Variants in LOC128462377 observed in about 807,000 individuals in gnomAD.
the LOC128462377 span, among the ~76,000 whole-genome samples, chr16:89,318,324 G>C: frequency 6.6e-6 from 1 of 152,160 alleles, no homozygotes; most frequent in South Asian, 2.1e-4. Context: ...GAGAGGAATG[G>C]GGGACACACC....
At chr16:89,322,293 A>G in the LOC128462377 span, among the ~76,000 whole-genome samples, 1 of 152,254 alleles carries the variant, frequency 6.6e-6, no homozygotes, top group South Asian at 2.1e-4. Flanking sequence ...AGAGAAAGAG[A>G]ACACTTCAAA....
the LOC128462377 span, among the ~76,000 whole-genome samples, chr16:89,363,265 C>T: frequency 6.6e-6 from 1 of 152,072 alleles, no homozygotes; most frequent in Admixed American, 6.5e-5. Context: ...CCTTCTGAAG[C>T]AGTCTCTAAA....
chr16:89,401,836 A>G, the LOC128462377 span, among the ~76,000 whole-genome samples: 106 of 152,284 alleles, frequency 7.0e-4, 1 homozygote, highest in East Asian at 0.017. Context: ...TGATGCGTCT[A>G]CAAGCCCGGG....
the LOC128462377 span, among the ~76,000 whole-genome samples, chr16:89,348,563 G>A: frequency 1.3e-5 from 2 of 152,296 alleles, no homozygotes; most frequent in African/African-American, 4.8e-5. Flanking sequence ...GACCAAGTCA[G>A]TCATCCGGGA....
At chr16:89,398,184 T>A in the LOC128462377 span, among the ~76,000 whole-genome samples, 22 of 149,480 alleles carry the variant, frequency 1.5e-4, no homozygotes, top group East Asian at 2.0e-4. Flanking sequence ...GAGGCTGACA[T>A]GAGGGACACT....
the LOC128462377 span, among the ~76,000 whole-genome samples, chr16:89,346,197 A>T: frequency 6.6e-6 from 1 of 151,182 alleles, no homozygotes; most frequent in Non-Finnish European, 1.5e-5. Flanking sequence ...GTAATGAGCC[A>T]AGATCACGCC....
At chr16:89,334,524 G>A in the LOC128462377 span, among the ~76,000 whole-genome samples, 4 of 152,132 alleles carry the variant, frequency 2.6e-5, no homozygotes, top group East Asian at 7.7e-4. Context: ...AAAGTGACGA[G>A]AAAACACCCC....
chr16:89,405,475 C>G, the LOC128462377 span, among the ~76,000 whole-genome samples: 1 of 151,514 alleles, frequency 6.6e-6, no homozygotes, highest in Non-Finnish European at 1.5e-5. Context: ...CAGGCACGTG[C>G]CACCACACCT....
the LOC128462377 span, among the ~76,000 whole-genome samples, chr16:89,334,736 C>A: frequency 1.3e-5 from 2 of 152,168 alleles, no homozygotes; most frequent in Non-Finnish European, 2.9e-5. Context: ...CCACGTCATA[C>A]CACACTCACT....
chr16:89,408,677 A>G, the LOC128462377 span, among the ~76,000 whole-genome samples: 1 of 152,006 alleles, frequency 6.6e-6, no homozygotes, highest in Non-Finnish European at 1.5e-5. Flanking sequence ...CACCCTCCCT[A>G]GAGTCCAGCG....
At chr16:89,355,938 G>C in the LOC128462377 span, among the ~76,000 whole-genome samples, 1 of 152,188 alleles carries the variant, frequency 6.6e-6, no homozygotes, top group East Asian at 1.9e-4. Flanking sequence ...GGAACGCTAA[G>C]TGACTCGCCC....
chr16:89,332,809 A>G, the LOC128462377 span, among the ~76,000 whole-genome samples: 54 of 152,346 alleles, frequency 3.5e-4, no homozygotes, highest in African/African-American at 1.1e-3. Flanking sequence ...GGTACAACTG[A>G]GAAAGCAAGC....
chr16:89,377,955 A>G, the LOC128462377 span, among the ~76,000 whole-genome samples: 4 of 152,068 alleles, frequency 2.6e-5, no homozygotes, highest in Non-Finnish European at 5.9e-5. Flanking sequence ...ACTTCCACTT[A>G]ATGAGAAGTA....
chr16:89,325,134 G>C, the LOC128462377 span: 1 of 153,066 alleles, frequency 6.5e-6, no homozygotes, highest in African/African-American at 2.4e-5. Flanking sequence ...AGACACAAGA[G>C]ACACGCGTGA....
chr16:89,349,988 C>A, the LOC128462377 span, among the ~76,000 whole-genome samples: 3 of 151,446 alleles, frequency 2.0e-5, no homozygotes, highest in Non-Finnish European at 4.4e-5. Context: ...AGCAGACAAC[C>A]CGATTTTTAG....
chr16:89,319,160 C>T, the LOC128462377 span, among the ~76,000 whole-genome samples: 1 of 152,220 alleles, frequency 6.6e-6, no homozygotes, highest in African/African-American at 2.4e-5. Context: ...GTCCTGATCC[C>T]AGATGTGAGT....
the LOC128462377 span, among the ~76,000 whole-genome samples, chr16:89,346,184 G>T: frequency 6.8e-6 from 1 of 147,846 alleles, no homozygotes; most frequent in Non-Finnish European, 1.5e-5. Flanking sequence ...AGGAGGTGAG[G>T]TTGTAATGAG....
the LOC128462377 span, among the ~76,000 whole-genome samples, chr16:89,405,774 G>A: frequency 7.9e-5 from 12 of 152,188 alleles, no homozygotes; most frequent in Middle Eastern, 3.4e-3. Flanking sequence ...GGGGCTTAGG[G>A]GTCAAATTCC....
chr16:89,401,831 C>T, the LOC128462377 span, among the ~76,000 whole-genome samples: 1 of 152,256 alleles, frequency 6.6e-6, no homozygotes, highest in East Asian at 1.9e-4. Flanking sequence ...CGTGGTGATG[C>T]GTCTACAAGC....
Sources: gnomAD v4.1 joint callset for allele counts (sites outside exome capture counted in the v4.1 genomes callset) on GRCh38, gnomAD v4.1.1 for gene constraint, MANE v1.5 for transcripts.